Variants in SLC13A3 observed in about 807,000 individuals in gnomAD.
SLC13A3 encodes the protein Na(+)/dicarboxylate cotransporter 3.
SLC13A3 carries 40 observed loss-of-function variants against 59.0 expected under a neutral mutation model. The observed-to-expected ratio is 0.68, with a 90% CI of 0.53 to 0.88. SLC13A3 has a LOEUF of 0.88. Among genes scored for constraint, SLC13A3 ranks in the 40% least tolerant of loss-of-function variants. The pLI is 0.00. For missense variants in SLC13A3, 699 were observed against 783.2 expected (o/e 0.89, Z 1.28); for synonymous variants, 317 against 330.3 (o/e 0.96, Z 0.44).
chr20:46,583,642 C>T lies in SLC13A3; in HGVS notation c.1149G>A (p.Val383=), dbSNP rs769670198. Reference sequence around the variant, plus strand: ...AGAAGAACAAGATGGTGACAATAGCCACGCCGGTGACAGCATCAGAAAGAA... The same window carrying T: ...AGAAGAACAAGATGGTGACAATAGCTACGCCGGTGACAGCATCAGAAAGAA... The part of the protein sequence containing the change: ...PGFLSDAVTG[V]AIVTILFFFP... Residue 383 remains valine, a synonymous_variant, in exon 9 of 13, where the codon GTG becomes GTA. Transcript: ENST00000279027. 6.2e-7 allele frequency: 1 copy of T among 1,614,008 alleles called. No homozygotes were observed. The highest frequency in any genetic ancestry group is 2.2e-5 in the East Asian group (1 of 44,862).
upstream of SLC13A3, among the ~76,000 whole-genome samples, chr20:46,672,817 C>T (rs950010044): frequency 6.6e-6 from 1 of 152,160 alleles, no homozygotes; most frequent in Non-Finnish European, 1.5e-5. Flanking sequence ...TGAGCCCAGA[C>T]TTCCAGCCAG....
upstream of SLC13A3, among the ~76,000 whole-genome samples, chr20:46,652,547 A>ATTTTTTT (rs11471373): frequency 8.5e-5 from 10 of 117,792 alleles, no homozygotes; most frequent in African/African-American, 3.1e-4. Context: ...TATCTGGCTA[A>ATTTTTTT]TTTTTTTTTT....
chr20:46,601,721 G>C (rs1481671248), intron 3 of SLC13A3, among the ~76,000 whole-genome samples: 1 of 152,192 alleles, frequency 6.6e-6, no homozygotes, highest in Non-Finnish European at 1.5e-5. Flanking sequence ...ATTTGACTTT[G>C]AACCAAGACC....
chr20:46,649,075 A>T (rs1470247729), intron 1 of SLC13A3, among the ~76,000 whole-genome samples: 1 of 152,182 alleles, frequency 6.6e-6, no homozygotes, highest in Non-Finnish European at 1.5e-5. Context: ...ATAGGGATGC[A>T]AATAACAGCT....
chr20:46,656,584 A>G (rs1278353236), intron 1 of SLC13A3, among the ~76,000 whole-genome samples: 1 of 146,512 alleles, frequency 6.8e-6, no homozygotes, highest in Non-Finnish European at 1.5e-5. Context: ...CAGTACATAT[A>G]TTATACTGTA....
chr20:46,660,911 C>G lies in SLC13A3; in HGVS notation c.-31+9132G>C, dbSNP rs112704248. Among the ~76,000 whole-genome samples, 392 of 152,226 alleles carry G rather than the reference C, an allele frequency of 2.6e-3. 1 individual carries two copies. Among genetic ancestry groups the G allele is most frequent in the African/African-American group, 9.1e-3 (379 of 41,552 alleles). ...GATTCCTGTCTTTGTTGTGCCCAGT[C>G]TCTTATAGATCTAAGTCTTCATTTC... On this transcript the variant is annotated intron_variant, in intron 1 of 12. Transcript: ENST00000290317.
At chr20:46,652,401 T>C (rs1406939647), upstream of SLC13A3, among the ~76,000 whole-genome samples, 1 of 152,140 alleles carries the variant, frequency 6.6e-6, no homozygotes, top group African/African-American at 2.4e-5. Context: ...TTTTTTTCTT[T>C]TTTTTGAGAT....
At chr20:46,611,146 A>T (rs1433939674) in intron 2 of SLC13A3, among the ~76,000 whole-genome samples, 1 of 152,222 alleles carries the variant, frequency 6.6e-6, no homozygotes, top group African/African-American at 2.4e-5. Flanking sequence ...TTAGATGCAT[A>T]GTACAAAGTA....
At position 46,566,406 on chromosome 20, in the gene SLC13A3, C is replaced by T. The variant is rs868350976; in HGVS notation, c.1333-16G>A. 3 of 1,609,332 alleles carry T rather than the reference C, an allele frequency of 1.9e-6. No homozygotes were observed. The highest frequency in any genetic ancestry group is 2.5e-6 in the Non-Finnish European group (3 of 1,176,924). ...GCCCCGATTCCTGCGGAGGGAAAGG[C>T]ATTCCTTCATACCCCAGCCCATCCC... On this transcript the variant is annotated splice_polypyrimidine_tract_variant and intron_variant, in intron 10 of 12. Transcript: ENST00000279027.
chr20:46,595,595 T>C (rs1048984075), intron 5 of SLC13A3, among the ~76,000 whole-genome samples: 16 of 152,162 alleles, frequency 1.1e-4, no homozygotes, highest in Admixed American at 6.5e-4. Context: ...CCCATCTCAC[T>C]TGGAGGAAAA....
intron 1 of SLC13A3, among the ~76,000 whole-genome samples, chr20:46,620,045 T>C (rs1225265809): frequency 6.6e-6 from 1 of 152,218 alleles, no homozygotes; most frequent in Non-Finnish European, 1.5e-5. Context: ...TAACAATAAA[T>C]AATACCTGAC....
At chr20:46,680,347 G>A (rs938588132) in intron 1 of SLC13A3, among the ~76,000 whole-genome samples, 3 of 152,202 alleles carry the variant, frequency 2.0e-5, no homozygotes, top group African/African-American at 7.2e-5. Context: ...ATGACATCAC[G>A]ATAATGATAT....
rs199723217 is a variant in SLC13A3, at chr20:46,675,561, C to CT, written c.-31+8834dup. On this transcript the variant is annotated intron_variant, in intron 1 of 6. Coordinates refer to the SLC13A3 transcript ENST00000372121. ...ATGCCCGGCCCCTTTTTTTTTCTTTCTTTCTTTTTTTTTTTTTAGTTTGTT... is the reference window on the plus strand; with the variant it reads ...ATGCCCGGCCCCTTTTTTTTTCTTTCTTTTCTTTTTTTTTTTTTAGTTTGTT... Among the ~76,000 whole-genome samples, 1,427 of 147,880 alleles carry CT rather than the reference C, an allele frequency of 9.6e-3. 21 individuals are homozygous for CT. Among genetic ancestry groups the CT allele is most frequent in the African/African-American group, 0.033 (1,344 of 40,132 alleles).
intron 1 of SLC13A3, among the ~76,000 whole-genome samples, chr20:46,648,942 T>TAC (rs113495144): frequency 0.018 from 2,048 of 114,746 alleles, 20 homozygotes; most frequent in South Asian, 0.051. Context: ...CACACACACA[T>TAC]ACACACACAC....
intron 12 of SLC13A3, among the ~76,000 whole-genome samples, chr20:46,562,270 C>T (rs1309749349): frequency 6.6e-6 from 1 of 152,192 alleles, no homozygotes; most frequent in Non-Finnish European, 1.5e-5. Context: ...CCGCTGTTCC[C>T]TGACCTCGTG....
intron 1 of SLC13A3, among the ~76,000 whole-genome samples, chr20:46,651,062 C>T (rs1329255395): frequency 1.3e-5 from 2 of 152,068 alleles, no homozygotes. Context: ...TGAAACGAAA[C>T]GAAATTATTC....
In SLC13A3 at chr20:46,651,337, G is replaced by C. The variant is rs1755210820; in HGVS notation, c.85C>G (p.Pro29Ala). Residue 29 changes from proline (P) to alanine (A), a missense_variant, in exon 1 of 13, where the codon CCG (proline) becomes GCG (alanine). Pro to Ala is a conservative substitution (Grantham distance 27). Transcript: ENST00000279027. ...TTGGGCGGGAGGGCGAAGACCACCG[G>C]CAGCAGCGCGAGCGGCGTGAACAGC... Reference protein sequence around the residue: ...VLLFTPLALLPVVFALPPKEG... With the variant: ...VLLFTPLALLAVVFALPPKEG... The C allele has an allele frequency of 6.6e-7, 1 of 1,514,770 alleles. No homozygotes were observed. The highest frequency in any genetic ancestry group is 8.8e-7 in the Non-Finnish European group (1 of 1,133,532). The allele number at this position is 1,514,770 out of a possible 1,614,324, so 93.8% of individuals were successfully genotyped here.
At chr20:46,656,490 T>C (rs1407558218) in intron 1 of SLC13A3, among the ~76,000 whole-genome samples, 16 of 124,794 alleles carry the variant, frequency 1.3e-4, no homozygotes, top group African/African-American at 4.0e-4. Context: ...ATACTGTATA[T>C]GATATACTAT....
rs368096069 is a variant in SLC13A3, at chr20:46,563,465, C to A, written c.1581G>T (p.Thr527=). 3.7e-5 allele frequency: 60 copies of A among 1,613,914 alleles called. No homozygotes were observed. The highest frequency in any genetic ancestry group is 4.7e-5 in the Non-Finnish European group (56 of 1,180,032). The change falls in exon 12 of 13, where the codon ACG becomes ACT. Residue 527 remains threonine (T), a synonymous_variant. Coordinates refer to ENST00000279027, the MANE Select transcript of SLC13A3 (RefSeq NM_022829.6). ...AGGCGAAGGCGATGGAGTTGGGGGGCGTTGAGACCGGGAGCATGAAGGCAA... is the reference window on the plus strand; with the variant it reads ...AGGCGAAGGCGATGGAGTTGGGGGGAGTTGAGACCGGGAGCATGAAGGCAA... The part of the protein sequence containing the change: ...CSFAFMLPVS[T]PPNSIAFASG...
Sources: gnomAD v4.1 joint callset for allele counts (sites outside exome capture counted in the v4.1 genomes callset) on GRCh38, gnomAD v4.1.1 for gene constraint, MANE v1.5 for transcripts, NCBI Gene and HGNC (gene_info 2026-07-23, HGNC 2026-07-21) for gene names.